The following CHODL variants were observed in gnomAD, a reference collection of about 807,000 sequenced individuals.
CHODL encodes transmembrane protein MT75.
CHODL carries 29 observed loss-of-function variants against 34.5 expected under a neutral mutation model. That is an observed-to-expected ratio of 0.84 (90% confidence interval 0.63 to 1.15). CHODL has a LOEUF of 1.15. CHODL is among the 50% of genes most tolerant of loss of function. CHODL has a pLI of 0.00. For missense variants in CHODL, 332 were observed against 332.5 expected, an observed-to-expected ratio of 1.00 and a Z score of 0.01; for synonymous variants, 125 against 116.1, an observed-to-expected ratio of 1.08 and a Z score of -0.49.
At chr21:18,228,680 T>C (rs2073953147) in intron 2 of CHODL, among the ~76,000 whole-genome samples, 1 of 152,200 alleles carries the variant, frequency 6.6e-6, no homozygotes, top group East Asian at 1.9e-4. Context: ...TTATCTGCCC[T>C]GACTCCCTTC....
chr21:18,021,307 G>A (rs1332145554), intron 1 of CHODL, among the ~76,000 whole-genome samples: 1 of 152,204 alleles, frequency 6.6e-6, no homozygotes, highest in African/African-American at 2.4e-5. Flanking sequence ...TTGAGGCTAA[G>A]TGACAATCAA....
chr21:18,252,551 C>A (rs1244069374), intron 1 of CHODL, among the ~76,000 whole-genome samples: 1 of 151,988 alleles, frequency 6.6e-6, no homozygotes, highest in African/African-American at 2.4e-5. Flanking sequence ...ATAGCTGCTG[C>A]TTCTGATGAT....
At chr21:18,010,320 A>AAAG (rs1555850969) in intron 1 of CHODL, among the ~76,000 whole-genome samples, 30 of 144,994 alleles carry the variant, frequency 2.1e-4, no homozygotes, top group Admixed American at 2.7e-4. Flanking sequence ...AAAAAAAAAA[A>AAAG]AAGAAGAAAA....
chr21:18,117,700 AATAAG>A (rs2065429449), intron 2 of CHODL, among the ~76,000 whole-genome samples: 2 of 148,448 alleles, frequency 1.3e-5, no homozygotes, highest in South Asian at 2.2e-4. Context: ...AGAATAAATA[AATAAG>A]ATAAAATAAA....
intron 1 of CHODL, among the ~76,000 whole-genome samples, chr21:18,006,134 C>T (rs1211432329): frequency 1.3e-5 from 2 of 152,154 alleles, no homozygotes; most frequent in South Asian, 2.1e-4. Context: ...TGCCTTCCAC[C>T]GTGATTGCTG....
intron 2 of CHODL, among the ~76,000 whole-genome samples, chr21:18,136,121 A>AG (rs1555875214): frequency 1.4e-5 from 2 of 138,216 alleles, no homozygotes; most frequent in African/African-American, 5.4e-5. Flanking sequence ...AAAAAAAAGA[A>AG]AAAGAAAAAA....
At chr21:18,047,273 T>C (rs2064455776) in intron 2 of CHODL, among the ~76,000 whole-genome samples, 1 of 152,024 alleles carries the variant, frequency 6.6e-6, no homozygotes, top group East Asian at 1.9e-4. Context: ...CTGCACTGCT[T>C]TGAAGCCACA....
At position 18,262,872 on chromosome 21, in the gene CHODL, G is replaced by A; in HGVS notation, c.716G>A (p.Cys239Tyr). The A allele has an allele frequency of 6.2e-7, 1 of 1,603,198 alleles. No homozygotes were observed. Among genetic ancestry groups the A allele is most frequent in the Non-Finnish European group, 8.5e-7 (1 of 1,170,662 alleles). The change falls in exon 5 of 6, where the codon TGT becomes TAT. Residue 239 changes from cysteine to tyrosine, a missense_variant. Coordinates refer to ENST00000299295, the MANE Select transcript of CHODL (RefSeq NM_024944.3). ...LLILVAFGTC[C>Y]FQMLHKSKGR... is the part of the protein sequence containing the mutation. Reference sequence around the variant, plus strand: ...ATACTGGTTGCTTTTGGAACCTGTTGTTTCCAGATGCTGCATAAAAGGTAA... The same window carrying A: ...ATACTGGTTGCTTTTGGAACCTGTTATTTCCAGATGCTGCATAAAAGGTAA...
chr21:18,127,581 C>T (rs182949323), intron 2 of CHODL, among the ~76,000 whole-genome samples: 1 of 149,838 alleles, frequency 6.7e-6, no homozygotes, highest in East Asian at 2.0e-4. Context: ...ACACATAAAA[C>T]ATGTCCAAGA....
chr21:18,008,336 T>C lies in CHODL; in HGVS notation c.-144-19536T>C, dbSNP rs573579987. ...TTTGTGTGTGTGTGTGTGTGTGTGTTGTAACAATAGTTAACATTAAATCTA... is the reference window on the plus strand; with the variant it reads ...TTTGTGTGTGTGTGTGTGTGTGTGTCGTAACAATAGTTAACATTAAATCTA... On this transcript the variant is annotated intron_variant, in intron 1 of 6. Coordinates refer to the CHODL transcript ENST00000400127. Among the ~76,000 whole-genome samples the C allele has an allele frequency of 2.0e-5, 3 of 151,952 alleles. 1 individual carries two copies. In the South Asian group the frequency reaches 6.2e-4, roughly 32 times the overall value.
intron 1 of CHODL, among the ~76,000 whole-genome samples, chr21:17,973,456 A>G (rs1286567948): frequency 7.6e-6 from 1 of 132,230 alleles, no homozygotes; most frequent in Non-Finnish European, 1.5e-5. Flanking sequence ...CACTCTTGTC[A>G]CCCAGGCTGG....
rs916319603 is a variant in CHODL at position 18,265,964 on chromosome 21, ACAAAAACTAGTC to A, written c.753_764del (p.Lys251_Pro254del). 1.9e-6 allele frequency: 3 copies of A among 1,611,058 alleles called. No individual in the cohort carries two copies. Among genetic ancestry groups the A allele is most frequent in the Non-Finnish European group, 2.5e-6 (3 of 1,179,156 alleles). On this transcript the variant is annotated inframe_deletion, in exon 6 of 6. Transcript: ENST00000299295. The stretch of plus-strand genomic sequence containing the variant: ...TCTTATGTTTTTCAGTAAAGGAAGA[ACAAAAACTAGTC>A]CAAACCAGTCTACACTGTGGATTTC...
Position 18,094,029 on chromosome 21 carries a change from A to G in CHODL, c.-45+66058A>G, listed in dbSNP as rs547982531. Among the ~76,000 whole-genome samples the G allele has an allele frequency of 4.1e-4, 63 of 152,324 alleles. No homozygotes were observed. In the South Asian group the frequency reaches 0.012, roughly 29 times the overall value. ...AGACTGAAAATAAAGACATGGAAAA[A>G]AGATATTCTATTCCAATGGAAACAA... On this transcript the variant is annotated intron_variant, in intron 2 of 6. Transcript: ENST00000400127.
intron 1 of CHODL, among the ~76,000 whole-genome samples, chr21:17,952,370 G>T (rs1465749366): frequency 1.3e-5 from 2 of 151,958 alleles, no homozygotes; most frequent in African/African-American, 2.4e-5. Context: ...TACATGTAGG[G>T]TTACCATGAT....
chr21:18,226,354 G>C (rs192958199), intron 2 of CHODL, among the ~76,000 whole-genome samples: 1 of 152,174 alleles, frequency 6.6e-6, no homozygotes, highest in Non-Finnish European at 1.5e-5. Context: ...AGGCTGGAGT[G>C]TAGTGGCGTG....
intron 2 of CHODL, among the ~76,000 whole-genome samples, chr21:18,182,954 C>T (rs984806006): frequency 1.3e-5 from 2 of 152,116 alleles, no homozygotes; most frequent in Non-Finnish European, 2.9e-5. Context: ...GGGTAGCTTC[C>T]TGCCACTGTA....
intron 2 of CHODL, among the ~76,000 whole-genome samples, chr21:18,111,410 G>C (rs2824628): frequency 0.35 from 53,932 of 152,108 alleles, 10,620 homozygotes; most frequent in East Asian, 0.67. Flanking sequence ...TCTCAATGAT[G>C]AGATTGTCGG....
rs114509720 is a variant in CHODL at position 18,066,499 on chromosome 21, C to T, written c.-45+38528C>T. 4.8e-3 allele frequency among the ~76,000 whole-genome samples: 733 copies of T among 152,252 alleles called. 7 individuals are homozygous for T. Among genetic ancestry groups the T allele is most frequent in the African/African-American group, 0.016 (670 of 41,552 alleles). On this transcript the variant is annotated intron_variant, in intron 2 of 6. Coordinates refer to the CHODL transcript ENST00000400127. The stretch of plus-strand genomic sequence containing the variant: ...TTTCTGCATGAATAAGAGATCTTAT[C>T]ACAACTTTGTGGAACAAACCTTGGG...
chr21:18,237,659 C>T lies in CHODL; in HGVS notation c.-44-18850C>T, dbSNP rs548760252. ...GGGAAAAATCTTTAAAACCTGGATG[C>T]AGGTGAAGATTAAAAAACATTAATT... is the stretch of plus-strand genomic sequence containing the variant. On this transcript the variant is annotated intron_variant, in intron 2 of 6. Coordinates refer to the CHODL transcript ENST00000400127. Among the ~76,000 whole-genome samples, 4 of 152,206 alleles carry T rather than the reference C, an allele frequency of 2.6e-5. No homozygotes were observed. In the South Asian group the frequency reaches 8.3e-4, roughly 32 times the overall value.
Sources: gnomAD v4.1 joint callset for allele counts (sites outside exome capture counted in the v4.1 genomes callset) on GRCh38, gnomAD v4.1.1 for gene constraint, MANE v1.5 for transcripts, NCBI Gene and HGNC (gene_info 2026-07-23, HGNC 2026-07-21) for gene names.